The following KLHL29 variants were observed in gnomAD, a reference collection of about 807,000 sequenced individuals.
KLHL29 encodes kelch-like protein 29.
In KLHL29, 21 loss-of-function variants were observed where a neutral mutation model predicts 80.4. That is an observed-to-expected ratio of 0.26 (90% confidence interval 0.19 to 0.38). The LOEUF (loss-of-function observed/expected upper bound fraction) is 0.38, where lower values mean the gene tolerates loss of function less well. Among genes scored for constraint, KLHL29 ranks in the 10% least tolerant of loss-of-function variants. KLHL29 has a pLI of 1.00. For missense variants in KLHL29, 867 were observed against 1,223.9 expected (o/e 0.71, Z 4.35); for synonymous variants, 511 against 526.8 (o/e 0.97, Z 0.41).
intron 2 of KLHL29, among the ~76,000 whole-genome samples, chr2:23,538,911 C>T (rs988477535): frequency 6.6e-6 from 1 of 152,224 alleles, no homozygotes; most frequent in Non-Finnish European, 1.5e-5. Flanking sequence ...CATCATCAAT[C>T]CCTCCGGCTT....
rs369035290 is a variant in KLHL29 at position 23,580,927 on chromosome 2, G to A, written c.285+18446G>A. Among the ~76,000 whole-genome samples the A allele has an allele frequency of 1.7e-4, 26 of 152,096 alleles. No individual in the cohort carries two copies. The East Asian group carries it at 3.7e-3, about 22-fold the overall frequency. On this transcript the variant is annotated intron_variant, in intron 3 of 13. Transcript: ENST00000486442. The stretch of plus-strand genomic sequence containing the variant: ...CAGGAGGAGGAGGTTGCAGTGAGCC[G>A]AGATCACGCCACTGCACTCCAGCCT...
intron 1 of KLHL29, among the ~76,000 whole-genome samples, chr2:23,417,919 G>C (rs573623432): frequency 6.6e-6 from 1 of 152,170 alleles, no homozygotes; most frequent in East Asian, 1.9e-4. Context: ...CTTTCTTTTT[G>C]GTGCCCTGTA....
chr2:23,525,726 G>GCCCCCCCCCCCCCCCCC (rs746729913), intron 2 of KLHL29, among the ~76,000 whole-genome samples: 1 of 62,590 alleles, frequency 1.6e-5, no homozygotes, highest in Admixed American at 1.9e-4. Context: ...CCCAGCCCCT[G>GCCCCCCCCCCCCCCCCC]CCCCCCCCCC....
chr2:23,532,699 G>T, intron 2 of KLHL29: 1 of 455,636 alleles, frequency 2.2e-6, no homozygotes, highest in Non-Finnish European at 4.4e-6. Flanking sequence ...GTCAGCATGG[G>T]GGTGGGTGTC....
intron 1 of KLHL29, among the ~76,000 whole-genome samples, chr2:23,415,603 A>G (rs988106857): frequency 6.6e-6 from 1 of 152,210 alleles, no homozygotes; most frequent in Non-Finnish European, 1.5e-5. Flanking sequence ...TTACTAATCA[A>G]GTAGCTTTGC....
rs1399171181 is a variant in KLHL29, at chr2:23,647,895, A to T, written c.940+5045A>T. On this transcript the variant is annotated intron_variant, in intron 5 of 13. Coordinates refer to ENST00000486442, the MANE Select transcript of KLHL29 (RefSeq NM_052920.2). This position sits in a 1 kb window ranked among gnomAD's most constrained non-coding sequence, Gnocchi z 4.9. ...TCAGGGGCAGCAAGGATGCTATTTCATCCCCACTCCCCCCTCAGTATCCAA... is the reference window on the plus strand; with the variant it reads ...TCAGGGGCAGCAAGGATGCTATTTCTTCCCCACTCCCCCCTCAGTATCCAA... 6.6e-6 allele frequency among the ~76,000 whole-genome samples: 1 copy of T among 151,866 alleles called. No individual in the cohort carries two copies. Among genetic ancestry groups the T allele is most frequent in the African/African-American group, 2.4e-5 (1 of 41,296 alleles).
chr2:23,585,566 A>T (rs1468357257), intron 3 of KLHL29, among the ~76,000 whole-genome samples: 6 of 152,092 alleles, frequency 3.9e-5, no homozygotes, highest in African/African-American at 1.4e-4. Flanking sequence ...TTCAAATCCA[A>T]GGGAAGGATC....
chr2:23,688,374 T>C (rs1349916203), intron 6 of KLHL29, among the ~76,000 whole-genome samples: 1 of 152,198 alleles, frequency 6.6e-6, no homozygotes, highest in Non-Finnish European at 1.5e-5. Context: ...TTCCTCTCAT[T>C]GCTCCAGACA....
At chr2:23,410,633 C>T (rs543783686) in intron 1 of KLHL29, among the ~76,000 whole-genome samples, 6 of 152,134 alleles carry the variant, frequency 3.9e-5, no homozygotes, top group African/African-American at 1.2e-4. Flanking sequence ...TAGTAAGGGT[C>T]AAGCTGTTGG....
rs1482948248 is a variant in KLHL29 at position 23,707,232 on chromosome 2, A to G, written c.*568A>G. ...GAAGCCCAGCTGCCCACGCGGAGCC[A>G]GGGGTGGCAGCTGTGGGACAGCCGG... On this transcript the variant is annotated 3_prime_UTR_variant, in exon 14 of 14. Coordinates refer to ENST00000486442, the MANE Select transcript of KLHL29 (RefSeq NM_052920.2). 6.6e-6 allele frequency: 1 copy of G among 152,270 alleles called. No homozygotes were observed. The highest frequency in any genetic ancestry group is 2.4e-5 in the African/African-American group (1 of 41,468). The allele number at this position is 152,270 out of a possible 1,614,324, so 9.4% of individuals were successfully genotyped here.
intron 1 of KLHL29, among the ~76,000 whole-genome samples, chr2:23,463,636 T>C (rs1279954695): frequency 6.6e-6 from 1 of 152,190 alleles, no homozygotes; most frequent in Non-Finnish European, 1.5e-5. Flanking sequence ...GGTCTTCTGC[T>C]GAGTCTTTTG....
At chr2:23,555,120 TCC>T (rs371301016) in intron 2 of KLHL29, among the ~76,000 whole-genome samples, 51 of 120,362 alleles carry the variant, frequency 4.2e-4, no homozygotes, top group Middle Eastern at 8.4e-3. Context: ...GAGGATGACC[TCC>T]CCCCCCCCCT....
intron 2 of KLHL29, among the ~76,000 whole-genome samples, chr2:23,520,574 G>A (rs1666060326): frequency 6.6e-6 from 1 of 152,190 alleles, no homozygotes; most frequent in African/African-American, 2.4e-5. Context: ...TGTTTCCTGG[G>A]CCCTGAGATC....
intron 3 of KLHL29, among the ~76,000 whole-genome samples, chr2:23,597,307 A>ATGTGTGTGTGTGTG (rs1454960849): frequency 0.026 from 2,757 of 106,172 alleles, 47 homozygotes; most frequent in Non-Finnish European, 0.036. Flanking sequence ...ATATATATAT[A>ATGTGTGTGTGTGTG]TATGTGTGTG....
intron 1 of KLHL29, among the ~76,000 whole-genome samples, chr2:23,449,829 G>A (rs540246195): frequency 2.0e-5 from 3 of 152,238 alleles, no homozygotes; most frequent in African/African-American, 4.8e-5. Flanking sequence ...GATGAGAGGC[G>A]TGGAGAACCA....
chr2:23,416,916 C>T (rs1666992521), intron 1 of KLHL29, among the ~76,000 whole-genome samples: 1 of 152,204 alleles, frequency 6.6e-6, no homozygotes, highest in Admixed American at 6.5e-5. Context: ...TAAGGGCCAT[C>T]TCCCCTGGAT....
chr2:23,690,660 A>G (rs1671535271), intron 6 of KLHL29: 1 of 152,198 alleles, frequency 6.6e-6, no homozygotes, highest in African/African-American at 2.4e-5. Flanking sequence ...GGGGCGGCCA[A>G]GCCGACGGCC....
intron 3 of KLHL29, among the ~76,000 whole-genome samples, chr2:23,603,795 G>A (rs1668633612): frequency 6.6e-6 from 1 of 152,210 alleles, no homozygotes; most frequent in African/African-American, 2.4e-5. Context: ...TGGTGCAGCT[G>A]CATTCACGGT....
intron 2 of KLHL29, among the ~76,000 whole-genome samples, chr2:23,495,459 CATGAATGTCTGA>C: frequency 6.6e-6 from 1 of 152,312 alleles, no homozygotes; most frequent in South Asian, 2.1e-4. Context: ...CATTTGTTTT[CATGAATGTCTGA>C]AATGTCATCT....
Sources: gnomAD v4.1 joint callset for allele counts (sites outside exome capture counted in the v4.1 genomes callset) on GRCh38, gnomAD v4.1.1 for gene constraint, Gnocchi (gnomAD v3.1) non-coding constraint, MANE v1.5 for transcripts, NCBI Gene and HGNC (gene_info 2026-07-23, HGNC 2026-07-21) for gene names.